The following SPOCK1 variants were observed in gnomAD, a reference collection of about 807,000 sequenced individuals.
SPOCK1 encodes the protein testican-1.
In SPOCK1, 23 loss-of-function variants were observed where a neutral mutation model predicts 55.3. The ratio of observed to expected loss-of-function variants is 0.42; its 90% CI spans 0.30 to 0.59. The LOEUF (loss-of-function observed/expected upper bound fraction) is 0.59. Ranked by LOEUF, SPOCK1 falls within the 20% of genes least tolerant of loss-of-function variation. SPOCK1 has a pLI of 0.22. For missense variants in SPOCK1, 499 were observed against 552.5 expected, an observed-to-expected ratio of 0.90 and a Z score of 0.97; for synonymous variants, 226 against 221.0, an observed-to-expected ratio of 1.02 and a Z score of -0.20.
intron 7 of SPOCK1, 54 bp downstream of exon 7, chr5:136,992,430 C>A: frequency 7.3e-7 from 1 of 1,379,026 alleles, no homozygotes; most frequent in South Asian, 1.3e-5. Context: ...ATATTGCTAA[C>A]CCTAAATCAA....
At chr5:137,362,208 T>C (rs1375055114) in intron 2 of SPOCK1, among the ~76,000 whole-genome samples, 1 of 152,162 alleles carries the variant, frequency 6.6e-6, no homozygotes, top group African/African-American at 2.4e-5. Context: ...AGAAGGTCAC[T>C]GCTTTAAAAG....
chr5:137,469,776 G>A (rs1753693331), intron 2 of SPOCK1, among the ~76,000 whole-genome samples: 1 of 152,172 alleles, frequency 6.6e-6, no homozygotes, highest in Non-Finnish European at 1.5e-5. Flanking sequence ...CCTCCATCAT[G>A]GGGATGGACT....
intron 8 of SPOCK1, among the ~76,000 whole-genome samples, chr5:136,987,992 C>A (rs1750876113): frequency 6.6e-6 from 1 of 152,336 alleles, no homozygotes; most frequent in African/African-American, 2.4e-5. Flanking sequence ...TTGTCTAGGA[C>A]ACTTAGTATA....
chr5:136,996,860 C>T (rs932008974), intron 6 of SPOCK1, among the ~76,000 whole-genome samples: 9 of 152,008 alleles, frequency 5.9e-5, no homozygotes, highest in Non-Finnish European at 1.2e-4. Context: ...GCCACCCCAG[C>T]CAGCAGCGGC....
rs561894371 is a variant in SPOCK1 at position 136,980,122 on chromosome 5, C to A, written c.992-653G>T. Among the ~76,000 whole-genome samples, 4 of 150,382 alleles carry A rather than the reference C, an allele frequency of 2.7e-5. No individual in the cohort carries two copies. In the South Asian group the frequency reaches 8.4e-4, roughly 32 times the overall value. ...GCTAAGTGCTTTACTTGCATTATTT[C>A]ATCAAGCCATGCCAATATCACCATA... On this transcript the variant is annotated intron_variant, in intron 9 of 10. Coordinates refer to ENST00000394945, the MANE Select transcript of SPOCK1 (RefSeq NM_004598.4).
chr5:137,093,447 A>AT (rs1253748323), intron 5 of SPOCK1, among the ~76,000 whole-genome samples: 1 of 152,210 alleles, frequency 6.6e-6, no homozygotes, highest in Non-Finnish European at 1.5e-5. Context: ...AATCTACCAT[A>AT]TGCTAGGCCC....
chr5:137,485,946 C>T (rs1754046261), intron 2 of SPOCK1, among the ~76,000 whole-genome samples: 1 of 152,174 alleles, frequency 6.6e-6, no homozygotes, highest in Admixed American at 6.5e-5. Context: ...TGAGAAACTG[C>T]ATCAAGTGGG....
At chr5:137,140,443 C>T (rs1754072417) in intron 4 of SPOCK1, 137 bp downstream of exon 4, 1 of 612,068 alleles carries the variant, frequency 1.6e-6, no homozygotes, top group Non-Finnish European at 2.9e-6. Context: ...AGAGTACAGG[C>T]ACCAAACACC....
At chr5:137,087,597 CT>C (rs1314559978) in intron 5 of SPOCK1, among the ~76,000 whole-genome samples, 1 of 152,256 alleles carries the variant, frequency 6.6e-6, no homozygotes, top group Non-Finnish European at 1.5e-5. Context: ...GCAGGGAGGG[CT>C]GGAGACTTGG....
At chr5:136,979,767 T>G (rs534434361) in intron 9 of SPOCK1, among the ~76,000 whole-genome samples, 39 of 152,294 alleles carry the variant, frequency 2.6e-4, no homozygotes, top group African/African-American at 8.9e-4. Context: ...TGTGTATATA[T>G]ACATACATTT....
intron 3 of SPOCK1, among the ~76,000 whole-genome samples, chr5:137,254,262 G>A (rs945328690): frequency 2.0e-5 from 3 of 152,140 alleles, no homozygotes; most frequent in African/African-American, 4.8e-5. Context: ...CTTAAAATTA[G>A]GCATTCTGTG....
At chr5:137,038,934 G>A (rs1751935840) in intron 6 of SPOCK1, among the ~76,000 whole-genome samples, 1 of 152,198 alleles carries the variant, frequency 6.6e-6, no homozygotes, top group South Asian at 2.1e-4. Context: ...AAACAAAAAC[G>A]GTTCTCTGAC....
chr5:137,210,434 C>T (rs529904702), intron 3 of SPOCK1, among the ~76,000 whole-genome samples: 11 of 152,286 alleles, frequency 7.2e-5, no homozygotes, highest in Non-Finnish European at 8.8e-5. Context: ...AATGAATACA[C>T]AAAAACATGT....
chr5:137,273,019 G>T (rs1757000307), intron 2 of SPOCK1, among the ~76,000 whole-genome samples: 1 of 152,086 alleles, frequency 6.6e-6, no homozygotes, highest in Non-Finnish European at 1.5e-5. Context: ...TGATAAATTG[G>T]TCTGACATTT....
intron 3 of SPOCK1, among the ~76,000 whole-genome samples, chr5:137,225,364 T>C (rs1755926281): frequency 6.6e-6 from 1 of 152,184 alleles, no homozygotes. Flanking sequence ...GGATAATGTC[T>C]ACAATGCTTG....
intron 2 of SPOCK1, among the ~76,000 whole-genome samples, chr5:137,435,093 T>G (rs1752831185): frequency 6.6e-6 from 1 of 152,248 alleles, no homozygotes; most frequent in Non-Finnish European, 1.5e-5. Flanking sequence ...CATGTTATAT[T>G]TATAATCTTA....
intron 5 of SPOCK1, among the ~76,000 whole-genome samples, chr5:137,078,779 C>G (rs1204132771): frequency 2.0e-5 from 3 of 152,146 alleles, no homozygotes; most frequent in African/African-American, 7.2e-5. Flanking sequence ...ACCCCAAAGC[C>G]CACATTCATT....
At chr5:137,115,355 G>A (rs994851765) in intron 4 of SPOCK1, among the ~76,000 whole-genome samples, 11 of 152,088 alleles carry the variant, frequency 7.2e-5, no homozygotes, top group Admixed American at 2.0e-4. Context: ...CAGTGTCACC[G>A]AGAAATATGG....
chr5:137,170,779 C>G (rs926061479), intron 3 of SPOCK1, among the ~76,000 whole-genome samples: 1 of 152,122 alleles, frequency 6.6e-6, no homozygotes, highest in Non-Finnish European at 1.5e-5. Flanking sequence ...GTTATTTAAG[C>G]CACTCATTAT....
Sources: allele counts gnomAD v4.1 joint callset (sites outside exome capture counted in the v4.1 genomes callset), GRCh38; gene constraint gnomAD v4.1.1; transcripts MANE v1.5; gene names NCBI Gene and HGNC (gene_info 2026-07-23, HGNC 2026-07-21).